The following ANKH variants were observed in gnomAD, a reference collection of about 807,000 sequenced individuals.
The protein encoded by ANKH is mineralization regulator ANKH.
In ANKH, 15 loss-of-function variants were observed where a neutral mutation model predicts 49.0. That is an observed-to-expected ratio of 0.31 (90% confidence interval 0.20 to 0.47). The LOEUF (loss-of-function observed/expected upper bound fraction) is 0.47. Ranked by LOEUF, ANKH falls within the 20% of genes least tolerant of loss-of-function variation. ANKH has a pLI of 1.00. For synonymous variants in ANKH, 273 were observed against 260.0 expected (o/e 1.05, Z -0.48); for missense variants, 429 against 652.0 (o/e 0.66, Z 3.72).
chr5:14,753,271 A>G (rs547771448), intron 4 of ANKH, among the ~76,000 whole-genome samples: 1 of 152,352 alleles, frequency 6.6e-6, no homozygotes, highest in African/African-American at 2.4e-5. Context: ...TCTCTGAAAT[A>G]GTTGCTACAG....
At chr5:14,827,155 A>G (rs545400335) in intron 1 of ANKH, among the ~76,000 whole-genome samples, 3 of 152,228 alleles carry the variant, frequency 2.0e-5, no homozygotes, top group Non-Finnish European at 2.9e-5. Context: ...ACTCCAGTCC[A>G]TGGCTTCTTC....
At chr5:14,858,754 T>TAAATA (rs371110679) in intron 1 of ANKH, among the ~76,000 whole-genome samples, 1 of 96,238 alleles carries the variant, frequency 1.0e-5, no homozygotes, top group African/African-American at 4.5e-5. Flanking sequence ...AATAAATAAA[T>TAAATA]AAATAAAATA....
At chr5:14,744,569 G>C (rs1738467131) in intron 7 of ANKH, among the ~76,000 whole-genome samples, 1 of 152,014 alleles carries the variant, frequency 6.6e-6, no homozygotes, top group African/African-American at 2.4e-5. Flanking sequence ...GTGGACGTGT[G>C]TGTGTTTGCA....
chr5:14,794,479 C>T (rs1181706350), intron 1 of ANKH, among the ~76,000 whole-genome samples: 1 of 152,236 alleles, frequency 6.6e-6, no homozygotes, highest in Non-Finnish European at 1.5e-5. Flanking sequence ...CTCTCCCTCT[C>T]CTATCTTCTT....
chr5:14,785,205 G>A (rs144266745), intron 1 of ANKH, among the ~76,000 whole-genome samples: 3 of 152,250 alleles, frequency 2.0e-5, no homozygotes, highest in Non-Finnish European at 4.4e-5. Context: ...ATAGGTACAA[G>A]TACTAAATCC....
chr5:14,839,364 A>G lies in ANKH; in HGVS notation c.96+31988T>C, dbSNP rs1470608902. Among the ~76,000 whole-genome samples, 5 of 152,350 alleles carry G rather than the reference A, an allele frequency of 3.3e-5. No individual in the cohort carries two copies. The East Asian group carries it at 5.8e-4, about 18-fold the overall frequency. Reference sequence around the variant, plus strand: ...GCTAACATCGATAAGTTAAAACTTCATAACTTGAATACATACAGACACACA... The same window carrying G: ...GCTAACATCGATAAGTTAAAACTTCGTAACTTGAATACATACAGACACACA... On this transcript the variant is annotated intron_variant, in intron 1 of 11. Coordinates refer to ENST00000284268, the MANE Select transcript of ANKH (RefSeq NM_054027.6).
At chr5:14,835,028 G>A (rs753541133) in intron 1 of ANKH, among the ~76,000 whole-genome samples, 7 of 152,084 alleles carry the variant, frequency 4.6e-5, no homozygotes, top group Non-Finnish European at 8.8e-5. Flanking sequence ...GGAAAGAAAA[G>A]GTTATTTACT....
At chr5:14,802,639 C>A (rs1740597995) in intron 1 of ANKH, among the ~76,000 whole-genome samples, 1 of 152,012 alleles carries the variant, frequency 6.6e-6, no homozygotes, top group South Asian at 2.1e-4. Context: ...CTTCTCCATT[C>A]TAGATTCCAG....
chr5:14,764,467 C>G (rs1208425205), intron 2 of ANKH, among the ~76,000 whole-genome samples: 1 of 152,202 alleles, frequency 6.6e-6, no homozygotes, highest in Non-Finnish European at 1.5e-5. Context: ...TGTTCGCCAA[C>G]AAGGAGCCCA....
intron 1 of ANKH, among the ~76,000 whole-genome samples, chr5:14,847,485 C>A (rs1194674266): frequency 6.6e-6 from 1 of 152,184 alleles, no homozygotes; most frequent in African/African-American, 2.4e-5. Context: ...GCCCAGCAGA[C>A]AAAGTGTCGC....
intron 2 of ANKH, among the ~76,000 whole-genome samples, chr5:14,761,490 G>T (rs1411733651): frequency 1.3e-5 from 2 of 152,090 alleles, no homozygotes; most frequent in African/African-American, 4.8e-5. Context: ...TGCTGAGAAG[G>T]AAAAGAAACT....
chr5:14,858,763 T>TAAAA, intron 1 of ANKH, among the ~76,000 whole-genome samples: 1 of 142,134 alleles, frequency 7.0e-6, no homozygotes, highest in South Asian at 2.3e-4. Flanking sequence ...ATAAATAAAA[T>TAAAA]AAAATAAAAT....
chr5:14,710,270 T>A lies in ANKH; in HGVS notation c.*927A>T, dbSNP rs2126388259. ...GCTGGATGAGACTTAAAGCTTCAGTTCACTGTAAAAACTAAAATGCAAAGT... is the reference window on the plus strand; with the variant it reads ...GCTGGATGAGACTTAAAGCTTCAGTACACTGTAAAAACTAAAATGCAAAGT... On this transcript the variant is annotated 3_prime_UTR_variant, in exon 12 of 12. Transcript: ENST00000284268. 6.6e-6 allele frequency: 1 copy of A among 152,348 alleles called. No homozygotes were observed. Among genetic ancestry groups the A allele is most frequent in the South Asian group, 2.1e-4 (1 of 4,824 alleles). The allele number at this position is 152,348 out of a possible 1,614,324, so 9.4% of individuals were successfully genotyped here.
chr5:14,730,951 G>A (rs1385816219), intron 8 of ANKH, among the ~76,000 whole-genome samples: 3 of 152,200 alleles, frequency 2.0e-5, no homozygotes, highest in Admixed American at 1.3e-4. Flanking sequence ...GTGCCTGTCT[G>A]TGCCAGGGAG....
intron 4 of ANKH, among the ~76,000 whole-genome samples, chr5:14,754,376 A>G (rs1738814417): frequency 6.6e-6 from 1 of 151,502 alleles, no homozygotes; most frequent in African/African-American, 2.4e-5. Flanking sequence ...ACATCTACAA[A>G]TGTGTGCTCA....
chr5:14,759,667 G>A (rs1316325153), intron 2 of ANKH, among the ~76,000 whole-genome samples: 3 of 152,022 alleles, frequency 2.0e-5, no homozygotes, highest in Non-Finnish European at 4.4e-5. Flanking sequence ...GGAGGCAGGA[G>A]GATTGCTTGA....
At chr5:14,809,781 A>T (rs1226652748) in intron 1 of ANKH, among the ~76,000 whole-genome samples, 2 of 151,862 alleles carry the variant, frequency 1.3e-5, no homozygotes, top group Admixed American at 6.6e-5. Flanking sequence ...CTCCAAAGAA[A>T]ACTCTGGACC....
At chr5:14,762,356 G>A (rs1739114814) in intron 2 of ANKH, among the ~76,000 whole-genome samples, 1 of 152,204 alleles carries the variant, frequency 6.6e-6, no homozygotes, top group African/African-American at 2.4e-5. Flanking sequence ...CCAGCTTTCT[G>A]GTTGGGTGAG....
chr5:14,712,895 C>A lies in ANKH; in HGVS notation c.1344G>T (p.Ala448=), dbSNP rs199586645. 1 of 1,611,978 alleles carries A rather than the reference C, an allele frequency of 6.2e-7. No individual in the cohort carries two copies. Among genetic ancestry groups the A allele is most frequent in the Non-Finnish European group, 8.5e-7 (1 of 1,179,350 alleles). ...VGESTMVAIA[A]CYVYRKQKKK... ...TCACCTGCTTCCGGTAGACATAGCA[C>A]GCAGCGATGGCGACCATGGTGGATT... Residue 448 remains alanine, a synonymous_variant, in exon 11 of 12, where the codon GCG becomes GCT. Coordinates refer to ENST00000284268, the MANE Select transcript of ANKH (RefSeq NM_054027.6).
Sources: allele counts gnomAD v4.1 joint callset (sites outside exome capture counted in the v4.1 genomes callset), GRCh38; gene constraint gnomAD v4.1.1; transcripts MANE v1.5; gene names NCBI Gene and HGNC (gene_info 2026-07-23, HGNC 2026-07-21).